The following CNTNAP2 variants were observed in gnomAD, a reference collection of about 807,000 sequenced individuals.
The protein encoded by CNTNAP2 is contactin-associated protein-like 2.
In CNTNAP2, 98 loss-of-function variants were observed where a neutral mutation model predicts 155.2. That is an observed-to-expected ratio of 0.63 (90% CI 0.54 to 0.75). The LOEUF (loss-of-function observed/expected upper bound fraction) is 0.75. Ranked by LOEUF, CNTNAP2 falls within the 30% of genes least tolerant of loss-of-function variation. The probability of loss-of-function intolerance (pLI) is 0.00; values close to 1 mark genes in which losing one functional copy is unlikely to be tolerated. For missense variants in CNTNAP2, 1,727 were observed against 1,688.1 expected, an observed-to-expected ratio of 1.02 and a Z score of -0.40; for synonymous variants, 651 against 631.2, an observed-to-expected ratio of 1.03 and a Z score of -0.47.
intron 2 of CNTNAP2, among the ~76,000 whole-genome samples, chr7:146,775,363 CTTGAG>C (rs1802371918): frequency 6.6e-6 from 1 of 152,000 alleles, no homozygotes; most frequent in Non-Finnish European, 1.5e-5. Flanking sequence ...TGTTAATTAT[CTTGAG>C]TTAATTATTT....
At chr7:147,532,153 C>A (rs537832737) in intron 11 of CNTNAP2, among the ~76,000 whole-genome samples, 2 of 152,084 alleles carry the variant, frequency 1.3e-5, no homozygotes, top group African/African-American at 4.8e-5. Flanking sequence ...TTTTCCAAAC[C>A]TTTATACTCT....
chr7:148,390,536 C>G (rs1344250739), intron 22 of CNTNAP2, among the ~76,000 whole-genome samples: 4 of 152,048 alleles, frequency 2.6e-5, no homozygotes, highest in Non-Finnish European at 5.9e-5. Context: ...CTTGGCAAAC[C>G]AGGGCTACTC....
intron 19 of CNTNAP2, among the ~76,000 whole-genome samples, chr7:148,224,682 C>T (rs944729545): frequency 1.3e-5 from 2 of 152,176 alleles, no homozygotes; most frequent in East Asian, 1.9e-4. Context: ...TCTGTTCTCA[C>T]GCTGCTATGA....
At chr7:147,348,457 C>G (rs905555971) in intron 9 of CNTNAP2, among the ~76,000 whole-genome samples, 1 of 151,516 alleles carries the variant, frequency 6.6e-6, no homozygotes, top group African/African-American at 2.4e-5. Flanking sequence ...GTTATCGCAC[C>G]GTCAGTAGGA....
rs544751566 is a variant in CNTNAP2, at chr7:148,403,674, C to T, written c.3716-5717C>T. Among the ~76,000 whole-genome samples, 11 of 152,226 alleles carry T rather than the reference C, an allele frequency of 7.2e-5. No individual in the cohort carries two copies. In the East Asian group the frequency reaches 1.5e-3, roughly 21 times the overall value. ...TGTCTCAGTCATGTTTCTTGGTCTC[C>T]GTTTTTCTCTGTGCGCATTTCCAAG... On this transcript the variant is annotated intron_variant, in intron 22 of 23. Coordinates refer to ENST00000361727, the MANE Select transcript of CNTNAP2 (RefSeq NM_014141.6).
chr7:146,452,821 T>G (rs1343270328), intron 1 of CNTNAP2, among the ~76,000 whole-genome samples: 1 of 152,272 alleles, frequency 6.6e-6, no homozygotes, highest in African/African-American at 2.4e-5. Flanking sequence ...GGGACCAAAT[T>G]TGCTCTCCCC....
chr7:146,771,951 G>T (rs1802299708), intron 1 of CNTNAP2, among the ~76,000 whole-genome samples: 1 of 152,112 alleles, frequency 6.6e-6, no homozygotes, highest in Admixed American at 6.5e-5. Context: ...AAAATTAAGT[G>T]TTGTGGCATG....
intron 19 of CNTNAP2, among the ~76,000 whole-genome samples, chr7:148,228,110 A>T (rs75004271): frequency 6.6e-6 from 1 of 152,280 alleles, no homozygotes; most frequent in African/African-American, 2.4e-5. Flanking sequence ...AGGAAATGAA[A>T]GGTGACAAAT....
At chr7:147,225,372 C>T (rs1298991502) in intron 8 of CNTNAP2, among the ~76,000 whole-genome samples, 1 of 152,058 alleles carries the variant, frequency 6.6e-6, no homozygotes, top group Non-Finnish European at 1.5e-5. Context: ...TATTTTCGTT[C>T]TAGCTAAAAA....
At chr7:146,469,564 C>G (rs1383720256) in intron 1 of CNTNAP2, among the ~76,000 whole-genome samples, 1 of 149,634 alleles carries the variant, frequency 6.7e-6, no homozygotes, top group African/African-American at 2.5e-5. Context: ...GCTCTGTCAC[C>G]CAGGCTAGAG....
At chr7:146,700,511 A>G (rs1800858073) in intron 1 of CNTNAP2, among the ~76,000 whole-genome samples, 1 of 152,146 alleles carries the variant, frequency 6.6e-6, no homozygotes, top group African/African-American at 2.4e-5. Context: ...AGGAAGCTCA[A>G]TTATACCTAA....
chr7:147,235,402 G>A (rs1051174076), intron 8 of CNTNAP2, among the ~76,000 whole-genome samples: 7 of 144,388 alleles, frequency 4.8e-5, no homozygotes, highest in African/African-American at 1.5e-4. Flanking sequence ...ACACATACAC[G>A]TGTATCCTAT....
At chr7:146,615,181 CTCTTA>C (rs1799204325) in intron 1 of CNTNAP2, among the ~76,000 whole-genome samples, 1 of 152,114 alleles carries the variant, frequency 6.6e-6, no homozygotes, top group African/African-American at 2.4e-5. Flanking sequence ...TTAATATTTT[CTCTTA>C]TAAGGACCCT....
intron 13 of CNTNAP2, among the ~76,000 whole-genome samples, chr7:147,816,587 CTT>C (rs1270863179): frequency 6.6e-6 from 1 of 151,950 alleles, no homozygotes; most frequent in African/African-American, 2.4e-5. Flanking sequence ...CTTGGGAACT[CTT>C]TTTCAAAAAT....
At chr7:146,271,014 C>T (rs1584839682) in intron 1 of CNTNAP2, among the ~76,000 whole-genome samples, 1 of 152,122 alleles carries the variant, frequency 6.6e-6, no homozygotes, top group East Asian at 1.9e-4. Context: ...AGTTTGGAGT[C>T]AAATGTAAGC....
intron 13 of CNTNAP2, among the ~76,000 whole-genome samples, chr7:147,825,555 T>G (rs902192884): frequency 6.6e-6 from 1 of 152,174 alleles, no homozygotes; most frequent in Non-Finnish European, 1.5e-5. Flanking sequence ...TGTATGATAA[T>G]AGTATTCTCC....
chr7:148,317,937 T>C (rs1797720418), intron 21 of CNTNAP2, among the ~76,000 whole-genome samples: 1 of 151,968 alleles, frequency 6.6e-6, no homozygotes, highest in African/African-American at 2.4e-5. Flanking sequence ...TAACTCGGCC[T>C]CCCAAAGTGC....
At chr7:147,983,659 T>C (rs1801571206) in intron 15 of CNTNAP2, among the ~76,000 whole-genome samples, 1 of 152,198 alleles carries the variant, frequency 6.6e-6, no homozygotes, top group Non-Finnish European at 1.5e-5. Context: ...AGAAGCAATG[T>C]GAGAGTGTGG....
intron 14 of CNTNAP2, among the ~76,000 whole-genome samples, chr7:147,947,161 G>C (rs1377167624): frequency 2.0e-5 from 3 of 152,158 alleles, no homozygotes. Flanking sequence ...ATCTCTTGGA[G>C]CTGTCTTGAG....
Sources: allele counts gnomAD v4.1 joint callset (sites outside exome capture counted in the v4.1 genomes callset), GRCh38; gene constraint gnomAD v4.1.1; transcripts MANE v1.5; gene names NCBI Gene and HGNC (gene_info 2026-07-23, HGNC 2026-07-21).